FLNB: variants seen among roughly 807,000 people sequenced by gnomAD.
FLNB encodes filamin B, also known as filamin-B.
Under a neutral mutation model 250.6 loss-of-function variants are expected in FLNB, and 111 were observed. That is an observed-to-expected ratio of 0.44 (90% CI 0.38 to 0.52). The LOEUF (loss-of-function observed/expected upper bound fraction) is 0.52, where lower values mean the gene tolerates loss of function less well. Among genes scored for constraint, FLNB ranks in the 20% least tolerant of loss-of-function variants. The pLI is 0.00. For synonymous variants in FLNB, 1,302 were observed against 1,372.1 expected, an observed-to-expected ratio of 0.95 and a Z score of 1.13; for missense variants, 2,869 against 3,447.8, an observed-to-expected ratio of 0.83 and a Z score of 4.20.
At chr3:58,103,451 A>T (rs901637416) in intron 9 of FLNB, among the ~76,000 whole-genome samples, 1 of 152,252 alleles carries the variant, frequency 6.6e-6, no homozygotes, top group Non-Finnish European at 1.5e-5. Context: ...GCAGCGTCAC[A>T]TCTAAAACCT....
At position 58,143,289 on chromosome 3, in the gene FLNB, A is replaced by G. The variant is rs565198709; in HGVS notation, c.5285-184A>G. ...CTATATTTTGTGGAAGCCAAATGGA[A>G]CTGGAAAAAAAAAAAAGAAAAGAGC... On this transcript the variant is annotated intron_variant, in intron 31 of 45. Transcript: ENST00000295956. 1.1e-3 allele frequency among the ~76,000 whole-genome samples: 165 copies of G among 145,196 alleles called. 1 individual carries two copies. The highest frequency in any genetic ancestry group is 0.011 in the South Asian group (52 of 4,604).
At chr3:58,034,592 C>T (rs2097135463) in intron 1 of FLNB, among the ~76,000 whole-genome samples, 4 of 152,108 alleles carry the variant, frequency 2.6e-5, no homozygotes, top group Admixed American at 2.6e-4. Context: ...GTGGCACAGC[C>T]AGGAAGCAGT....
intron 1 of FLNB, among the ~76,000 whole-genome samples, chr3:58,012,514 G>A (rs1191357076): frequency 6.6e-6 from 1 of 151,970 alleles, no homozygotes; most frequent in African/African-American, 2.4e-5. Flanking sequence ...CACATCAGAG[G>A]GTCCCTGCAA....
In FLNB at chr3:58,141,882, G is replaced by A. The variant is rs138141099; in HGVS notation, c.5134G>A (p.Val1712Met). The A allele has an allele frequency of 4.1e-4, 661 of 1,614,098 alleles. No homozygotes were observed. The highest frequency in any genetic ancestry group is 5.3e-4 in the Non-Finnish European group (631 of 1,180,030). The change falls in exon 30 of 46, where the codon GTG becomes ATG. Residue 1712 changes from valine to methionine, a missense_variant. By Grantham distance (21) the Val-to-Met change is conservative (BLOSUM62 1). Coordinates refer to ENST00000295956, the MANE Select transcript of FLNB (RefSeq NM_001457.4). Reference protein sequence around the residue: ...VMATDGEVTAVEEAPVNACPP... With the variant: ...VMATDGEVTAMEEAPVNACPP... ...GGCCACAGATGGGGAAGTCACAGCC[G>A]TGGAGGAGGCACCGGTAAATGCATG...
At chr3:58,157,911 C>T (rs560085625) in intron 41 of FLNB, among the ~76,000 whole-genome samples, 11 of 152,294 alleles carry the variant, frequency 7.2e-5, no homozygotes, top group Admixed American at 4.6e-4. Context: ...CAGCTGCTGC[C>T]GCAGGAGAAG....
intron 1 of FLNB, among the ~76,000 whole-genome samples, chr3:58,025,464 C>G (rs2097122278): frequency 6.6e-6 from 1 of 152,032 alleles, no homozygotes; most frequent in Non-Finnish European, 1.5e-5. Context: ...CTGGTTTTGC[C>G]TGTCCCAGAC....
intron 1 of FLNB, among the ~76,000 whole-genome samples, chr3:58,048,148 G>A (rs2097156977): frequency 6.6e-6 from 1 of 152,062 alleles, no homozygotes; most frequent in African/African-American, 2.4e-5. Flanking sequence ...ACCAATTAAC[G>A]ATTACTCAAT....
intron 3 of FLNB, among the ~76,000 whole-genome samples, chr3:58,081,121 A>G (rs1353566435): frequency 6.6e-6 from 1 of 151,986 alleles, no homozygotes; most frequent in African/African-American, 2.4e-5. Context: ...GGCTCCTAAT[A>G]TATTGAGATC....
Position 58,094,835 on chromosome 3 carries a change from G to A in FLNB, c.788-1G>A. On this transcript the variant is annotated splice_acceptor_variant, in intron 4 of 45. Transcript: ENST00000295956. LOFTEE classifies it high-confidence loss of function. Reference sequence around the variant, plus strand: ...AACATGTCTGTGTAAACCTGTGGCAGGAATCGAGCCCACTGGAAACATGGT... The same window carrying A: ...AACATGTCTGTGTAAACCTGTGGCAAGAATCGAGCCCACTGGAAACATGGT... 1 of 1,613,454 alleles carries A rather than the reference G, an allele frequency of 6.2e-7. No homozygotes were observed. Among genetic ancestry groups the A allele is most frequent in the Non-Finnish European group, 8.5e-7 (1 of 1,179,356 alleles).
At chr3:58,044,841 T>G in intron 1 of FLNB, among the ~76,000 whole-genome samples, 1 of 152,272 alleles carries the variant, frequency 6.6e-6, no homozygotes, top group Non-Finnish European at 1.5e-5. Context: ...CTGAGAGGCA[T>G]GAATGAGAAT....
rs2097376109 is a variant in FLNB, at chr3:58,169,017, G to A, written c.7417+359G>A. The A allele has an allele frequency of 3.1e-6, 1 of 324,332 alleles. No individual in the cohort carries two copies. Among genetic ancestry groups the A allele is most frequent in the Non-Finnish European group, 5.9e-6 (1 of 168,484 alleles). The allele number at this position is 324,332 out of a possible 1,614,324, so 20.1% of individuals were successfully genotyped here. ...AGTTTTCCTATACTTATAAAAATGT[G>A]TCTCCTCCAAAACACTGGAAAAAAT... On this transcript the variant is annotated intron_variant, in intron 44 of 45. Transcript: ENST00000295956. This position sits in a 1 kb window ranked among gnomAD's most constrained non-coding sequence, Gnocchi z 4.8.
At chr3:58,067,426 A>C (rs1403652913) in intron 1 of FLNB, among the ~76,000 whole-genome samples, 1 of 152,158 alleles carries the variant, frequency 6.6e-6, no homozygotes, top group African/African-American at 2.4e-5. Context: ...GAGAATTGGA[A>C]ATCCAGCCAA....
In FLNB at chr3:58,125,712, A is replaced by T. The variant is rs892500905; in HGVS notation, c.4030A>T (p.Asn1344Tyr). 1 of 1,614,166 alleles carries T rather than the reference A, an allele frequency of 6.2e-7. No homozygotes were observed. The highest frequency in any genetic ancestry group is 8.5e-7 in the Non-Finnish European group (1 of 1,180,022). The part of the protein sequence containing the change: ...QGPGLKEAFT[N>Y]KPNVFTVVTR... ...ACCTGGATTGAAAGAGGCCTTTACC[A>T]ACAAGCCCAATGTCTTCACCGTGGT... Residue 1344 changes from asparagine (N) to tyrosine (Y), a missense_variant, in exon 23 of 46, where the codon AAC (asparagine) becomes TAC (tyrosine). Asn to Tyr is a moderately radical substitution (Grantham distance 143). Transcript: ENST00000295956.
At chr3:58,017,798 A>G (rs1470353261) in intron 1 of FLNB, among the ~76,000 whole-genome samples, 1 of 152,210 alleles carries the variant, frequency 6.6e-6, no homozygotes, top group Admixed American at 6.5e-5. Context: ...GATCCCATGC[A>G]GTAGAATGCC....
At chr3:58,042,708 G>A (rs982877030) in intron 1 of FLNB, among the ~76,000 whole-genome samples, 7 of 151,944 alleles carry the variant, frequency 4.6e-5, no homozygotes, top group Admixed American at 3.3e-4. Context: ...TTGTAGAGGC[G>A]GGGTTTTGCC....
intron 39 of FLNB, chr3:58,154,544 C>CAAAA: frequency 6.7e-6 from 2 of 300,238 alleles, no homozygotes; most frequent in South Asian, 2.6e-5. Flanking sequence ...GACTCCGTCT[C>CAAAA]AAAAAAAAAA....
chr3:58,063,312 G>C (rs577471824), intron 1 of FLNB, among the ~76,000 whole-genome samples: 271 of 152,334 alleles, frequency 1.8e-3, no homozygotes, highest in African/African-American at 5.9e-3. Flanking sequence ...TTGGATGTTG[G>C]TGGCATGGAA....
In FLNB at chr3:58,081,785, T is replaced by C. The variant is rs2097209533; in HGVS notation, c.787+9T>C. On this transcript the variant is annotated intron_variant, in intron 4 of 45. Coordinates refer to ENST00000295956, the MANE Select transcript of FLNB (RefSeq NM_001457.4). ...CAGGGCCTATGGCAGAGGTGAGTGC[T>C]GGTCCTCTGGTGTTGTATTGGAGAC... 3.7e-6 allele frequency: 6 copies of C among 1,614,126 alleles called. No homozygotes were observed. Among genetic ancestry groups the C allele is most frequent in the Non-Finnish European group, 5.1e-6 (6 of 1,179,950 alleles).
chr3:58,170,518 T>C, intron 45 of FLNB, 57 bp from the exon 46 acceptor site: 5 of 1,562,684 alleles, frequency 3.2e-6, no homozygotes, highest in Non-Finnish European at 2.6e-6. Flanking sequence ...ATATTTCCTC[T>C]TCTTCCTGTG....
Sources: gnomAD v4.1 joint callset for allele counts (sites outside exome capture counted in the v4.1 genomes callset) on GRCh38, gnomAD v4.1.1 for gene constraint, Gnocchi (gnomAD v3.1) non-coding constraint, MANE v1.5 for transcripts, NCBI Gene and HGNC (gene_info 2026-07-23, HGNC 2026-07-21) for gene names.